PCDHA10: variants seen among roughly 807,000 people sequenced by gnomAD.
PCDHA10 encodes the protein protocadherin alpha 10.
A neutral mutation model predicts 61.2 loss-of-function variants in PCDHA10; 45 were observed. That is an observed-to-expected ratio of 0.74 (90% CI 0.58 to 0.94). The LOEUF is 0.94. Ranked by LOEUF, PCDHA10 falls within the 40% of genes least tolerant of loss-of-function variation. The pLI, the probability that PCDHA10 is intolerant of heterozygous loss-of-function variation, is 0.00. For missense variants in PCDHA10, 1,278 were observed against 1,236.2 expected, an observed-to-expected ratio of 1.03 and a Z score of -0.51; for synonymous variants, 602 against 548.8, an observed-to-expected ratio of 1.10 and a Z score of -1.35.
intron 1 of PCDHA10, among the ~76,000 whole-genome samples, chr5:140,890,015 T>C (rs553399283): frequency 2.8e-4 from 43 of 152,210 alleles, no homozygotes; most frequent in African/African-American, 1.0e-3. Flanking sequence ...GCCAGAAAAA[T>C]GTAGAAGGCT....
intron 1 of PCDHA10, among the ~76,000 whole-genome samples, chr5:140,892,451 C>A (rs782296222): frequency 1.2e-4 from 19 of 152,128 alleles, no homozygotes; most frequent in Non-Finnish European, 2.5e-4. Flanking sequence ...TACATGTATT[C>A]TTTAAGTACG....
In PCDHA10 at chr5:140,920,607, A is replaced by G. The variant is rs185483487; in HGVS notation, c.2389-58342A>G. Among the ~76,000 whole-genome samples the G allele has an allele frequency of 8.0e-3, 1,215 of 152,266 alleles. 5 individuals are homozygous for G. Among genetic ancestry groups the G allele is most frequent in the African/African-American group, 0.019 (784 of 41,544 alleles). On this transcript the variant is annotated intron_variant, in intron 1 of 3. Coordinates refer to ENST00000307360, the MANE Select transcript of PCDHA10 (RefSeq NM_018901.4). ...ACGCCTGTAATCCCAGCACTTTGGG[A>G]GGCCGAGGCGGATGGATCACAAGGT...
chr5:140,915,252 GTTA>G (rs1291041483), intron 1 of PCDHA10, among the ~76,000 whole-genome samples: 2 of 152,012 alleles, frequency 1.3e-5, no homozygotes, highest in African/African-American at 4.8e-5. Flanking sequence ...TGGCCAGGTT[GTTA>G]TTATTTTTGA....
At chr5:140,967,869 C>A in intron 1 of PCDHA10, 1 of 1,614,160 alleles carries the variant, frequency 6.2e-7, no homozygotes, top group South Asian at 1.1e-5. Flanking sequence ...GTGGTGCTCA[C>A]GGACCTGTAT....
At chr5:140,870,660 G>A (rs782219391) in intron 1 of PCDHA10, 3 of 1,612,516 alleles carry the variant, frequency 1.9e-6, no homozygotes, top group Non-Finnish European at 2.5e-6. Context: ...TGTACGCGCT[G>A]CAGCCGTTGG....
chr5:140,920,632 T>C (rs1054888668), intron 1 of PCDHA10, among the ~76,000 whole-genome samples: 2 of 152,018 alleles, frequency 1.3e-5, no homozygotes, highest in Non-Finnish European at 2.9e-5. Context: ...GATCACAAGG[T>C]CAAGAGATTG....
At chr5:140,926,143 C>A (rs2082940711) in intron 1 of PCDHA10, among the ~76,000 whole-genome samples, 1 of 152,068 alleles carries the variant, frequency 6.6e-6, no homozygotes, top group African/African-American at 2.4e-5. Context: ...CAGGATCCAG[C>A]GCGGAAAGCT....
chr5:140,886,827 G>GAAAA (rs782016620), intron 1 of PCDHA10, among the ~76,000 whole-genome samples: 11 of 60,864 alleles, frequency 1.8e-4, no homozygotes, highest in Admixed American at 1.8e-4. Context: ...ACTTCGTCTT[G>GAAAA]AAAAAAAAAA....
At chr5:140,884,138 G>C (rs782798249) in intron 1 of PCDHA10, 2 of 1,613,410 alleles carry the variant, frequency 1.2e-6, no homozygotes, top group Non-Finnish European at 1.7e-6. Context: ...CCCGTTCCGC[G>C]TGGGGCTGTA....
intron 1 of PCDHA10, chr5:140,968,616 A>G (rs782318101): frequency 6.2e-7 from 1 of 1,614,154 alleles, no homozygotes; most frequent in Admixed American, 1.7e-5. Flanking sequence ...TCTGGGCAAA[A>G]TGCTTGGCTT....
chr5:140,946,844 G>A (rs189496185), intron 1 of PCDHA10, among the ~76,000 whole-genome samples: 5 of 151,386 alleles, frequency 3.3e-5, no homozygotes, highest in Non-Finnish European at 5.9e-5. Context: ...CAGTAGTAAG[G>A]AGGAGAGATT....
chr5:140,969,704 T>G (rs1317094729), intron 1 of PCDHA10, among the ~76,000 whole-genome samples: 10 of 152,172 alleles, frequency 6.6e-5, no homozygotes, highest in African/African-American at 2.4e-4. Flanking sequence ...TGCTGTATCA[T>G]CTACAGGGAA....
At chr5:140,942,950 T>G (rs1461424409) in intron 1 of PCDHA10, among the ~76,000 whole-genome samples, 1 of 151,716 alleles carries the variant, frequency 6.6e-6, no homozygotes, top group Non-Finnish European at 1.5e-5. Context: ...AGTGTAGACG[T>G]TCTGTTATCA....
In PCDHA10 at chr5:141,011,040, A is replaced by G. The variant is rs1467029720; in HGVS notation, c.*1103A>G. On this transcript the variant is annotated 3_prime_UTR_variant, in exon 4 of 4. Transcript: ENST00000307360. ...AATCACAGCTTTACTCTTTCAGGTCACTCTGGGGCTGCCTCTTGCATGTAT... is the reference window on the plus strand; with the variant it reads ...AATCACAGCTTTACTCTTTCAGGTCGCTCTGGGGCTGCCTCTTGCATGTAT... 1 of 153,602 alleles carries G rather than the reference A, an allele frequency of 6.5e-6. No homozygotes were observed. The highest frequency in any genetic ancestry group is 2.4e-5 in the African/African-American group (1 of 41,374). The allele number at this position is 153,602 out of a possible 1,614,324, so 9.5% of individuals were successfully genotyped here.
intron 1 of PCDHA10, chr5:140,926,357 A>G (rs1385567779): frequency 1.3e-5 from 2 of 152,178 alleles, no homozygotes; most frequent in Admixed American, 6.5e-5. Flanking sequence ...GCGGCTCCCA[A>G]AGGGCGGCAG....
At chr5:140,928,576 A>G in intron 1 of PCDHA10, 1 of 1,614,160 alleles carries the variant, frequency 6.2e-7, no homozygotes, top group South Asian at 1.1e-5. Flanking sequence ...CTTGCCCAGA[A>G]ATGGTTCTGT....
chr5:140,887,052 G>A (rs1187906559), intron 1 of PCDHA10, among the ~76,000 whole-genome samples: 1 of 151,228 alleles, frequency 6.6e-6, no homozygotes, highest in Non-Finnish European at 1.5e-5. Flanking sequence ...TAGTGCATAT[G>A]TTCTGGCAAC....
chr5:140,904,747 A>T (rs1462923024), intron 1 of PCDHA10, among the ~76,000 whole-genome samples: 1 of 151,918 alleles, frequency 6.6e-6, no homozygotes, highest in Non-Finnish European at 1.5e-5. Context: ...TATTATGACC[A>T]TTTTTGCAAG....
chr5:140,970,751 T>G (rs2096430046), intron 1 of PCDHA10, among the ~76,000 whole-genome samples: 1 of 152,232 alleles, frequency 6.6e-6, no homozygotes, highest in African/African-American at 2.4e-5. Flanking sequence ...GCAATATATT[T>G]TCATTGACAT....
Sources: allele counts gnomAD v4.1 joint callset (sites outside exome capture counted in the v4.1 genomes callset), GRCh38; gene constraint gnomAD v4.1.1; transcripts MANE v1.5; gene names NCBI Gene and HGNC (gene_info 2026-07-23, HGNC 2026-07-21).